RBM41: variants seen among roughly 807,000 people sequenced by gnomAD.
RBM41 encodes RNA-binding protein 41.
Under a neutral mutation model 30.8 loss-of-function variants are expected in RBM41, and 14 were observed. The ratio of observed to expected loss-of-function variants is 0.45; its 90% CI spans 0.30 to 0.71. RBM41 has a LOEUF of 0.71. RBM41 is among the 30% of genes least tolerant of loss of function. The probability of loss-of-function intolerance (pLI) is 0.08; values close to 1 mark genes in which losing one functional copy is unlikely to be tolerated. For missense variants in RBM41, 276 were observed against 326.3 expected (o/e 0.85, Z 1.19); for synonymous variants, 120 against 110.1 (o/e 1.09, Z -0.56).
Position 107,066,030 on chromosome X carries a change from G to A in RBM41, c.*1497C>T, listed in dbSNP as rs1349116717. ...GGTCTGCCAGCAACAAATTCTCTTG[G>A]TTTTTGATTATGTGAGATGTTTTAT... On this transcript the variant is annotated 3_prime_UTR_variant, in exon 8 of 8. Transcript: ENST00000685964. 8.9e-6 allele frequency among the ~76,000 whole-genome samples: 1 copy of A among 111,738 alleles called. No homozygotes were observed. Among genetic ancestry groups the A allele is most frequent in the Non-Finnish European group, 1.9e-5 (1 of 53,066 alleles).
chrX:107,118,149 G>A (rs1368416434), intron 1 of RBM41, among the ~76,000 whole-genome samples: 2 of 110,538 alleles, frequency 1.8e-5, no homozygotes, highest in Non-Finnish European at 3.8e-5. Flanking sequence ...AGGCTCAAGC[G>A]GCCATTTACC....
chrX:107,052,234 G>A, the RBM41 span, among the ~76,000 whole-genome samples: 1 of 111,607 alleles, frequency 9.0e-6, no homozygotes, highest in African/African-American at 3.3e-5. Context: ...TTTATATCCC[G>A]ATCATTGTCC....
Position 107,084,974 on chromosome X carries a change from T to C in RBM41, c.999+3462A>G, listed in dbSNP as rs369260341. Among the ~76,000 whole-genome samples, 12 of 111,937 alleles carry C rather than the reference T, an allele frequency of 1.1e-4. No homozygotes were observed. The East Asian group carries it at 2.5e-3, about 24-fold the overall frequency. ...AATTGATACCTATAATTCTATTTTA[T>C]TCATTTTCTCTACTGTGTAGTATTC... On this transcript the variant is annotated intron_variant, in intron 6 of 7. Transcript: ENST00000685964.
At chrX:107,085,938 T>C (rs773098424) in intron 6 of RBM41, among the ~76,000 whole-genome samples, 2 of 111,905 alleles carry the variant, frequency 1.8e-5, no homozygotes, top group African/African-American at 3.3e-5. Flanking sequence ...TGGGCAAAGA[T>C]ATTTGCTAAA....
chrX:107,113,046 AAAGT>A (rs1030796716), intron 5 of RBM41, among the ~76,000 whole-genome samples: 3 of 111,539 alleles, frequency 2.7e-5, no homozygotes, highest in Admixed American at 9.5e-5. Context: ...GTTCATTTCA[AAAGT>A]AAGAAAATAT....
intron 5 of RBM41, 125 bp downstream of exon 5, chrX:107,113,272 T>C: frequency 3.7e-6 from 3 of 817,725 alleles, no homozygotes; most frequent in African/African-American, 2.1e-5. Flanking sequence ...ATCAGGATAA[T>C]ATGCTCCCTC....
chrX:107,064,936 T>C lies in RBM41; in HGVS notation c.*2591A>G, dbSNP rs1455107837. 4 of 111,937 alleles carry C rather than the reference T, an allele frequency of 3.6e-5. No individual in the cohort carries two copies. In the East Asian group the frequency reaches 1.1e-3, roughly 31 times the overall value. 9.2% of individuals were successfully genotyped at this position (111,937 alleles called of 1,213,427 possible). On this transcript the variant is annotated 3_prime_UTR_variant, in exon 8 of 8. Transcript: ENST00000685964. The stretch of plus-strand genomic sequence containing the variant: ...TCCTTTCAGTTTTTGCTTCATGTAT[T>C]TTGGGCTCTACTGTTAGATGCATAT...
chrX:107,068,561 T>C (rs754595666), intron 7 of RBM41, among the ~76,000 whole-genome samples: 2 of 111,393 alleles, frequency 1.8e-5, no homozygotes, highest in African/African-American at 6.5e-5. Flanking sequence ...TTCAGTATGA[T>C]AGGAAAGATG....
intron 6 of RBM41, among the ~76,000 whole-genome samples, chrX:107,082,883 A>G (rs1267143616): frequency 9.0e-6 from 1 of 111,412 alleles, no homozygotes; most frequent in East Asian, 2.8e-4. Context: ...ACTTATCCAT[A>G]TACTATCATT....
At position 107,067,228 on chromosome X, in the gene RBM41, A is replaced by G; in HGVS notation, c.*299T>C. The G allele has an allele frequency of 1.2e-6, 1 of 804,127 alleles. No homozygotes were observed. Among genetic ancestry groups the G allele is most frequent in the Non-Finnish European group, 1.5e-6 (1 of 670,220 alleles). The allele number at this position is 804,127 out of a possible 1,213,427, so 66.3% of individuals were successfully genotyped here. A position where few individuals can be genotyped will look rare whatever the true frequency, so the allele number is the denominator to read the frequency against. On this transcript the variant is annotated 3_prime_UTR_variant, in exon 8 of 8. Coordinates refer to ENST00000685964, the MANE Select transcript of RBM41 (RefSeq NM_001324242.2). Reference sequence around the variant, plus strand: ...TAGAGACAAATATTGAGGACCCCAGAAAAATTATAAAGATTTTTAAAAATC... The same window carrying G: ...TAGAGACAAATATTGAGGACCCCAGGAAAATTATAAAGATTTTTAAAAATC...
the RBM41 span, among the ~76,000 whole-genome samples, chrX:107,052,338 G>A: frequency 6.3e-5 from 7 of 110,912 alleles, no homozygotes; most frequent in Admixed American, 5.8e-4. Flanking sequence ...TGATTGGTCG[G>A]GTGTGAGCTA....
At position 107,084,412 on chromosome X, in the gene RBM41, A is replaced by G. The variant is rs182681074; in HGVS notation, c.999+4024T>C. ...GAAGGCTAGAAGAGCCTGGAGTTGGATAAGGCTTTGGTAAAGTTGTTTTCC... is the reference window on the plus strand; with the variant it reads ...GAAGGCTAGAAGAGCCTGGAGTTGGGTAAGGCTTTGGTAAAGTTGTTTTCC... On this transcript the variant is annotated intron_variant, in intron 6 of 7. Coordinates refer to ENST00000685964, the MANE Select transcript of RBM41 (RefSeq NM_001324242.2). Among the ~76,000 whole-genome samples the G allele has an allele frequency of 1.3e-4, 15 of 111,547 alleles. No individual in the cohort carries two copies. The East Asian group carries it at 4.0e-3, about 30-fold the overall frequency.
intron 5 of RBM41, among the ~76,000 whole-genome samples, chrX:107,093,277 T>C (rs1340156165): frequency 9.0e-6 from 1 of 111,223 alleles, no homozygotes; most frequent in African/African-American, 3.3e-5. Flanking sequence ...GAAGGTGCTA[T>C]TTGAGTGAAG....
At chrX:107,106,979 C>T (rs1924066091) in intron 5 of RBM41, among the ~76,000 whole-genome samples, 1 of 110,864 alleles carries the variant, frequency 9.0e-6, no homozygotes, top group African/African-American at 3.3e-5. Context: ...TGTAACAAAC[C>T]TGCACGTTGT....
intron 5 of RBM41, among the ~76,000 whole-genome samples, chrX:107,093,789 A>G (rs1455892830): frequency 8.9e-6 from 1 of 112,013 alleles, no homozygotes; most frequent in African/African-American, 3.2e-5. Context: ...AGAAAAATCA[A>G]CAAAACCAAA....
chrX:107,111,769 G>C (rs981203366), intron 5 of RBM41, among the ~76,000 whole-genome samples: 9 of 111,452 alleles, frequency 8.1e-5, no homozygotes, highest in African/African-American at 2.9e-4. Context: ...GCTAACTAAA[G>C]CCAGTCACAA....
downstream of RBM41, among the ~76,000 whole-genome samples, chrX:107,061,024 T>A (rs1935629987): frequency 9.0e-6 from 1 of 111,315 alleles, no homozygotes; most frequent in Non-Finnish European, 1.9e-5. Context: ...TTAGGGACAT[T>A]ATACAATATA....
the RBM41 span, among the ~76,000 whole-genome samples, chrX:107,056,154 A>T: frequency 3.6e-5 from 4 of 111,687 alleles, no homozygotes; most frequent in Admixed American, 1.9e-4. Flanking sequence ...TGAGATGATC[A>T]TGTGTTTTTT....
At chrX:107,113,585 A>C (rs1924673588) in intron 4 of RBM41, 117 bp from the exon 5 acceptor site, 1 of 857,660 alleles carries the variant, frequency 1.2e-6, no homozygotes, top group Admixed American at 3.6e-5. Flanking sequence ...GTATTCTCTC[A>C]CTTAATCCTC....
Sources: allele counts gnomAD v4.1 joint callset (sites outside exome capture counted in the v4.1 genomes callset), GRCh38; gene constraint gnomAD v4.1.1; transcripts MANE v1.5; gene names NCBI Gene and HGNC (gene_info 2026-07-23, HGNC 2026-07-21).